The following CSF2RA variants were observed in gnomAD, a reference collection of about 807,000 sequenced individuals.
CSF2RA encodes the protein granulocyte-macrophage colony-stimulating factor receptor subunit alpha.
In CSF2RA, 42 loss-of-function variants were observed where a neutral mutation model predicts 51.6. That is an observed-to-expected ratio of 0.81 (90% confidence interval 0.64 to 1.05). CSF2RA has a LOEUF of 1.05. Ranked by LOEUF, CSF2RA falls within the 50% of genes least tolerant of loss-of-function variation. The pLI is 0.00. For synonymous variants in CSF2RA, 222 were observed against 193.0 expected, an observed-to-expected ratio of 1.15 and a Z score of -1.24; for missense variants, 530 against 501.1, an observed-to-expected ratio of 1.06 and a Z score of -0.55.
At chrX:1,280,657 C>T (rs1428482196) in intron 2 of CSF2RA, among the ~76,000 whole-genome samples, 1 of 139,878 alleles carries the variant, frequency 7.1e-6, no homozygotes, top group Non-Finnish European at 1.6e-5. Flanking sequence ...CCTTCCTCCT[C>T]TTCCTCCTCT....
At chrX:1,316,005 TAG>T in the CSF2RA span, among the ~76,000 whole-genome samples, 2 of 39,618 alleles carry the variant, frequency 5.0e-5, no homozygotes, top group African/African-American at 7.6e-5. Context: ...GATAGACAGA[TAG>T]ATAGATATAT....
Position 1,295,408 on chromosome X carries a change from T to C in CSF2RA, c.781-19T>C. On this transcript the variant is annotated intron_variant, in intron 8 of 12. Coordinates refer to ENST00000381529, the MANE Select transcript of CSF2RA (RefSeq NM_172245.4). Reference sequence around the variant, plus strand: ...AATGGAAACAGTGAGCCTTGTGTTGTGTTTTGTTTTGTTTCTAGAATACCC... The same window carrying C: ...AATGGAAACAGTGAGCCTTGTGTTGCGTTTTGTTTTGTTTCTAGAATACCC... 1 of 1,613,454 alleles carries C rather than the reference T, an allele frequency of 6.2e-7. No homozygotes were observed. The highest frequency in any genetic ancestry group is 8.5e-7 in the Non-Finnish European group (1 of 1,179,534).
At chrX:1,304,665 T>TG (rs200023856) in intron 11 of CSF2RA, among the ~76,000 whole-genome samples, 6,339 of 140,212 alleles carry the variant, frequency 0.045, 179 homozygotes, top group Non-Finnish European at 0.066. Context: ...TTTGTTTGTT[T>TG]TTTTGTTTTT....
chrX:1,282,346 T>C (rs2090160060), intron 2 of CSF2RA: 1 of 354,368 alleles, frequency 2.8e-6, no homozygotes, highest in Non-Finnish European at 5.2e-6. Context: ...TGAAAGTGAC[T>C]GCAATTTCCT....
At chrX:1,286,582 AAAAT>A (rs1376603294) in intron 4 of CSF2RA, among the ~76,000 whole-genome samples, 2 of 141,696 alleles carry the variant, frequency 1.4e-5, no homozygotes, top group African/African-American at 2.6e-5. Flanking sequence ...AAAAAAAAAA[AAAAT>A]AATAAATTCA....
intron 8 of CSF2RA, 149 bp downstream of exon 8, chrX:1,294,610 G>A (rs2091739546): frequency 1.4e-5 from 14 of 1,027,674 alleles, no homozygotes; most frequent in South Asian, 4.4e-5. Context: ...TTCGGGTAGC[G>A]GAGGAAGAGG....
downstream of CSF2RA, among the ~76,000 whole-genome samples, chrX:1,314,118 T>C (rs1197138322): frequency 3.3e-5 from 5 of 152,106 alleles, no homozygotes; most frequent in Non-Finnish European, 7.3e-5. Context: ...GCCCCTCCCC[T>C]GTGTTCTTTG....
chrX:1,287,591 C>G lies in CSF2RA; in HGVS notation c.220-928C>G, dbSNP rs758396420. ...CCTGAGTAGCTGGGATTACAGGTGC[C>G]CACCACCACACCTGGCTAATTTTTG... is the stretch of plus-strand genomic sequence containing the variant. On this transcript the variant is annotated intron_variant, in intron 4 of 12. Coordinates refer to ENST00000381529, the MANE Select transcript of CSF2RA (RefSeq NM_172245.4). 3.1e-3 allele frequency among the ~76,000 whole-genome samples: 442 copies of G among 143,650 alleles called. 12 individuals are homozygous for G. Among genetic ancestry groups the G allele is most frequent in the Admixed American group, 0.027 (372 of 14,032 alleles). The allele number at this position is 143,650 out of a possible 152,430, so 94.2% of individuals were successfully genotyped here.
the CSF2RA span, among the ~76,000 whole-genome samples, chrX:1,316,019 G>GACCA: frequency 2.4e-5 from 3 of 124,184 alleles, no homozygotes; most frequent in South Asian, 2.3e-4. Flanking sequence ...TAGATATATA[G>GACCA]ATAGATACAT....
rs1177429758 is a variant in CSF2RA, at chrX:1,305,742, T to A, written c.1125+215T>A. 1.9e-6 allele frequency: 3 copies of A among 1,552,014 alleles called. No individual in the cohort carries two copies. The Admixed American group carries it at 5.9e-5, about 30-fold the overall frequency. ...GTCAGAGTCATCTCTGTGAGCTCCA[T>A]CAGGAGAAACTGAGGCAGGGTGGTG... is the stretch of plus-strand genomic sequence containing the variant. On this transcript the variant is annotated intron_variant, in intron 12 of 12. Transcript: ENST00000381529.
At chrX:1,313,010 C>G (rs2084251681), downstream of CSF2RA, among the ~76,000 whole-genome samples, 1 of 152,104 alleles carries the variant, frequency 6.6e-6, no homozygotes, top group African/African-American at 2.4e-5. Context: ...GAGACTCCCA[C>G]AGGGCGCCCC....
At chrX:1,314,799 G>T (rs1223319370), downstream of CSF2RA, among the ~76,000 whole-genome samples, 1 of 83,408 alleles carries the variant, frequency 1.2e-5, no homozygotes. Flanking sequence ...CAATCCCACT[G>T]CACCTGCCCA....
chrX:1,296,337 T>G, intron 9 of CSF2RA, among the ~76,000 whole-genome samples: 1 of 103,622 alleles, frequency 9.7e-6, no homozygotes, highest in Admixed American at 9.5e-5. Flanking sequence ...CTCCTACCCA[T>G]GACCCCTGGC....
chrX:1,289,348 C>T (rs1569502172), intron 6 of CSF2RA, among the ~76,000 whole-genome samples: 1 of 152,032 alleles, frequency 6.6e-6, no homozygotes, highest in Non-Finnish European at 1.5e-5. Context: ...GGCTGGTCTC[C>T]AACTCCTGAC....
intron 2 of CSF2RA, among the ~76,000 whole-genome samples, chrX:1,275,322 C>T (rs1219863319): frequency 5.3e-5 from 8 of 151,732 alleles, no homozygotes; most frequent in African/African-American, 1.7e-4. Flanking sequence ...ACCCAGGAGG[C>T]GTAGGTTGCA....
chrX:1,304,880 G>C (rs1299995454), intron 11 of CSF2RA, among the ~76,000 whole-genome samples: 1 of 147,294 alleles, frequency 6.8e-6, no homozygotes, highest in Admixed American at 6.7e-5. Flanking sequence ...GGCCAGGCTG[G>C]TCTCTAACTC....
At chrX:1,324,197 C>T in the CSF2RA span, among the ~76,000 whole-genome samples, 1 of 149,856 alleles carries the variant, frequency 6.7e-6, no homozygotes, top group African/African-American at 2.5e-5. Flanking sequence ...AAAACAAAAA[C>T]AAAAACAAAA....
At chrX:1,316,102 CACATAGAT>C in the CSF2RA span, among the ~76,000 whole-genome samples, 23 of 83,114 alleles carry the variant, frequency 2.8e-4, no homozygotes, top group East Asian at 6.8e-4. Context: ...GATAGATAGA[CACATAGAT>C]ACATAGATAC....
Position 1,309,395 on chromosome X carries a change from T to C in CSF2RA, c.1126-7T>C. 6.2e-7 allele frequency: 1 copy of C among 1,613,718 alleles called. No individual in the cohort carries two copies. The highest frequency in any genetic ancestry group is 1.7e-4 in the Middle Eastern group (1 of 6,056). On this transcript the variant is annotated splice_region_variant and splice_polypyrimidine_tract_variant and intron_variant, in intron 12 of 12. Coordinates refer to ENST00000381529, the MANE Select transcript of CSF2RA (RefSeq NM_172245.4). ...GATCTGACAGCCTGAACCCTCCTTT[T>C]TCTCAGATCATCTGGGAGGAATTCA... is the stretch of plus-strand genomic sequence containing the variant.
Sources: gnomAD v4.1 joint callset for allele counts (sites outside exome capture counted in the v4.1 genomes callset) on GRCh38, gnomAD v4.1.1 for gene constraint, MANE v1.5 for transcripts, NCBI Gene and HGNC (gene_info 2026-07-23, HGNC 2026-07-21) for gene names.